PCSK6: variants seen among roughly 807,000 people sequenced by gnomAD.
PCSK6 encodes the protein paired basic amino acid cleaving enzyme 4.
Under a neutral mutation model 123.3 loss-of-function variants are expected in PCSK6, and 85 were observed. The observed-to-expected ratio is 0.69, with a 90% confidence interval of 0.58 to 0.83. The LOEUF (loss-of-function observed/expected upper bound fraction) is 0.83. Among genes scored for constraint, PCSK6 ranks in the 40% least tolerant of loss-of-function variants. The probability of loss-of-function intolerance (pLI) is 0.00; values close to 1 mark genes in which losing one functional copy is unlikely to be tolerated. For missense variants in PCSK6, 1,191 were observed against 1,282.3 expected, an observed-to-expected ratio of 0.93 and a Z score of 1.09; for synonymous variants, 508 against 516.0, an observed-to-expected ratio of 0.98 and a Z score of 0.21.
intron 13 of PCSK6, among the ~76,000 whole-genome samples, chr15:101,343,323 C>T (rs1045263454): frequency 3.3e-5 from 5 of 152,028 alleles, no homozygotes; most frequent in South Asian, 2.1e-4. Flanking sequence ...TTTTAATTTT[C>T]TCTACATATG....
At chr15:101,323,055 G>A (rs755835776) in intron 17 of PCSK6, among the ~76,000 whole-genome samples, 27 of 152,204 alleles carry the variant, frequency 1.8e-4, no homozygotes, top group Non-Finnish European at 2.9e-4. Flanking sequence ...AGGAACCTAC[G>A]GCGAGTCATC....
chr15:101,375,815 A>C (rs1212582817), intron 11 of PCSK6, among the ~76,000 whole-genome samples: 1 of 152,154 alleles, frequency 6.6e-6, no homozygotes, highest in African/African-American at 2.4e-5. Context: ...TGGGTGAATC[A>C]CTTGAGGTCA....
At chr15:101,356,557 G>A (rs2041049184) in intron 13 of PCSK6, among the ~76,000 whole-genome samples, 1 of 149,898 alleles carries the variant, frequency 6.7e-6, no homozygotes, top group African/African-American at 2.5e-5. Flanking sequence ...GCAGATGCCT[G>A]TAATCCCAGC....
At chr15:101,465,383 T>G (rs150387529) in intron 1 of PCSK6, among the ~76,000 whole-genome samples, 1 of 152,218 alleles carries the variant, frequency 6.6e-6, no homozygotes, top group Non-Finnish European at 1.5e-5. Flanking sequence ...GCACGTCTTG[T>G]TCTGCTCATG....
At chr15:101,386,113 A>G (rs980835938) in intron 9 of PCSK6, among the ~76,000 whole-genome samples, 1 of 151,762 alleles carries the variant, frequency 6.6e-6, no homozygotes, top group African/African-American at 2.4e-5. Flanking sequence ...GTTTACTAGG[A>G]ACGCACACCG....
At chr15:101,335,567 T>TA (rs1463896978) in intron 13 of PCSK6, among the ~76,000 whole-genome samples, 3 of 152,256 alleles carry the variant, frequency 2.0e-5, no homozygotes, top group African/African-American at 7.2e-5. Context: ...AATATGAACA[T>TA]ATGTTTCCCC....
intron 19 of PCSK6, 186 bp from the exon 20 acceptor site, chr15:101,313,691 C>T (rs984459019): frequency 3.2e-5 from 24 of 744,732 alleles, no homozygotes; most frequent in Admixed American, 6.1e-5. Flanking sequence ...GTGGGCATCG[C>T]CATCACCATT....
intron 1 of PCSK6, among the ~76,000 whole-genome samples, chr15:101,447,061 C>T (rs564373902): frequency 2.0e-5 from 3 of 152,310 alleles, no homozygotes; most frequent in Admixed American, 2.0e-4. Flanking sequence ...AAAGTCTCGT[C>T]GGCCCGGATG....
intron 13 of PCSK6, chr15:101,347,398 T>G: frequency 8.1e-7 from 1 of 1,236,896 alleles, no homozygotes; most frequent in East Asian, 3.1e-5. Flanking sequence ...AAATCAAGAA[T>G]TCATGGAACT....
At chr15:101,379,330 T>C (rs1596259695) in intron 11 of PCSK6, among the ~76,000 whole-genome samples, 1 of 152,120 alleles carries the variant, frequency 6.6e-6, no homozygotes, top group Non-Finnish European at 1.5e-5. Flanking sequence ...CTCAGGACCA[T>C]GTGTGACGTC....
intron 11 of PCSK6, among the ~76,000 whole-genome samples, chr15:101,376,402 G>A (rs754110707): frequency 4.6e-5 from 7 of 152,166 alleles, no homozygotes; most frequent in Non-Finnish European, 1.0e-4. Flanking sequence ...TTCCAGCAAC[G>A]AGCACTAGTG....
chr15:101,471,785 C>G (rs1029070945), intron 1 of PCSK6, among the ~76,000 whole-genome samples: 3 of 152,156 alleles, frequency 2.0e-5, no homozygotes, highest in Non-Finnish European at 4.4e-5. Context: ...TGTGCCTTCC[C>G]GGTCAACCTC....
chr15:101,323,762 T>C (rs1003622629), intron 17 of PCSK6, among the ~76,000 whole-genome samples: 13 of 150,402 alleles, frequency 8.6e-5, no homozygotes, highest in African/African-American at 2.7e-4. Flanking sequence ...TGTCTTGTTA[T>C]TTGATGGCTT....
intron 13 of PCSK6, among the ~76,000 whole-genome samples, chr15:101,341,572 G>A (rs1004538825): frequency 6.6e-6 from 1 of 152,086 alleles, no homozygotes; most frequent in Non-Finnish European, 1.5e-5. Flanking sequence ...TAAAAATTTG[G>A]TATTTTTAAA....
Position 101,467,881 on chromosome 15 carries a change from C to A in PCSK6, c.297+21493G>T, listed in dbSNP as rs113060337. Among the ~76,000 whole-genome samples the A allele has an allele frequency of 8.9e-3, 1,357 of 152,244 alleles. 20 individuals carry two copies. Among genetic ancestry groups the A allele is most frequent in the African/African-American group, 0.028 (1,154 of 41,552 alleles). Reference sequence around the variant, plus strand: ...AAGCCACGCGGACAGTGGCTTCCTGCGGGAGCCGGAGGTGTCTGGCAGGTG... The same window carrying A: ...AAGCCACGCGGACAGTGGCTTCCTGAGGGAGCCGGAGGTGTCTGGCAGGTG... On this transcript the variant is annotated intron_variant, in intron 1 of 21. Transcript: ENST00000611716.
At chr15:101,404,205 G>T (rs1428012537) in intron 6 of PCSK6, among the ~76,000 whole-genome samples, 1 of 152,124 alleles carries the variant, frequency 6.6e-6, no homozygotes, top group African/African-American at 2.4e-5. Flanking sequence ...AAGATCAAAG[G>T]AGTCGTAACA....
chr15:101,359,139 A>C (rs1322137423), intron 13 of PCSK6, among the ~76,000 whole-genome samples: 1 of 152,156 alleles, frequency 6.6e-6, no homozygotes, highest in Non-Finnish European at 1.5e-5. Flanking sequence ...CAGGAGTGGC[A>C]GTTGTCTACA....
chr15:101,343,327 A>G (rs927913729), intron 13 of PCSK6, among the ~76,000 whole-genome samples: 3 of 152,004 alleles, frequency 2.0e-5, no homozygotes, highest in Admixed American at 6.6e-5. Flanking sequence ...AATTTTCTCT[A>G]CATATGTTTG....
intron 8 of PCSK6, 71 bp downstream of exon 8, chr15:101,393,141 G>A: frequency 8.3e-7 from 1 of 1,200,238 alleles, no homozygotes; most frequent in Non-Finnish European, 1.2e-6. Context: ...TTCTGAGAAA[G>A]GGAGAAGAAA....
Sources: allele counts gnomAD v4.1 joint callset (sites outside exome capture counted in the v4.1 genomes callset), GRCh38; gene constraint gnomAD v4.1.1; transcripts MANE v1.5; gene names NCBI Gene and HGNC (gene_info 2026-07-23, HGNC 2026-07-21).